The following KCNQ5 variants were observed in gnomAD, a reference collection of about 807,000 sequenced individuals.
The protein encoded by KCNQ5 is potassium voltage-gated channel subfamily KQT member 5.
Under a neutral mutation model 98.2 loss-of-function variants are expected in KCNQ5, and 30 were observed. The ratio of observed to expected loss-of-function variants is 0.31; its 90% CI spans 0.23 to 0.41. The LOEUF is 0.41. Among genes scored for constraint, KCNQ5 ranks in the 10% least tolerant of loss-of-function variants. The pLI is 1.00. For missense variants in KCNQ5, 835 were observed against 1,182.5 expected (o/e 0.71, Z 4.31); for synonymous variants, 458 against 449.4 (o/e 1.02, Z -0.24).
At chr6:72,928,670 G>T (rs1765548104) in intron 1 of KCNQ5, among the ~76,000 whole-genome samples, 1 of 151,892 alleles carries the variant, frequency 6.6e-6, no homozygotes, top group African/African-American at 2.4e-5. Flanking sequence ...TAGCTACATA[G>T]ATAGATAGAA....
At chr6:72,998,826 T>G (rs968883542) in intron 1 of KCNQ5, among the ~76,000 whole-genome samples, 1 of 150,196 alleles carries the variant, frequency 6.7e-6, no homozygotes, top group Non-Finnish European at 1.5e-5. Context: ...CATGGAACAC[T>G]TACAGTCTGC....
At chr6:72,803,770 C>A (rs1306251391) in intron 1 of KCNQ5, among the ~76,000 whole-genome samples, 1 of 152,102 alleles carries the variant, frequency 6.6e-6, no homozygotes, top group Non-Finnish European at 1.5e-5. Context: ...TCTTCCTCAT[C>A]TTTTTAATTT....
chr6:72,670,723 G>A (rs766303740), intron 1 of KCNQ5, among the ~76,000 whole-genome samples: 1 of 152,194 alleles, frequency 6.6e-6, no homozygotes, highest in Non-Finnish European at 1.5e-5. Context: ...TGCTCCTGTG[G>A]TGGAGAGAGA....
At chr6:72,641,929 A>G (rs777498404) in intron 1 of KCNQ5, among the ~76,000 whole-genome samples, 1 of 151,766 alleles carries the variant, frequency 6.6e-6, no homozygotes, top group Admixed American at 6.6e-5. Context: ...TTTATGAACA[A>G]TTCTCTACGC....
chr6:73,118,159 G>A (rs1451390260), intron 7 of KCNQ5, among the ~76,000 whole-genome samples: 1 of 152,178 alleles, frequency 6.6e-6, no homozygotes, highest in Admixed American at 6.5e-5. Flanking sequence ...GATAAACAGA[G>A]CAGGACCTCC....
At chr6:73,108,627 C>T (rs1010438961) in intron 6 of KCNQ5, among the ~76,000 whole-genome samples, 6 of 152,082 alleles carry the variant, frequency 3.9e-5, no homozygotes, top group Non-Finnish European at 5.9e-5. Context: ...GAGATCGAGA[C>T]CATCCTGCCT....
chr6:72,968,159 GTC>G (rs1163143470), intron 1 of KCNQ5, among the ~76,000 whole-genome samples: 1 of 152,080 alleles, frequency 6.6e-6, no homozygotes, highest in Non-Finnish European at 1.5e-5. Context: ...CACTCACAGT[GTC>G]TCAGAAGTTC....
intron 1 of KCNQ5, among the ~76,000 whole-genome samples, chr6:72,839,351 C>G (rs1298395938): frequency 6.6e-6 from 1 of 152,132 alleles, no homozygotes; most frequent in Non-Finnish European, 1.5e-5. Flanking sequence ...ATTCTAATAG[C>G]TGCTTTAAAA....
At chr6:73,086,459 G>A (rs569549991) in intron 5 of KCNQ5, among the ~76,000 whole-genome samples, 60 of 152,088 alleles carry the variant, frequency 3.9e-4, no homozygotes, top group African/African-American at 1.3e-3. Context: ...TCAGGAAGCC[G>A]CCACCCCTTC....
At chr6:72,988,143 A>G (rs764815484) in intron 1 of KCNQ5, among the ~76,000 whole-genome samples, 1 of 152,236 alleles carries the variant, frequency 6.6e-6, no homozygotes, top group African/African-American at 2.4e-5. Context: ...CAATGTGTAC[A>G]GATGACCTTT....
intron 1 of KCNQ5, among the ~76,000 whole-genome samples, chr6:72,810,426 TG>T (rs1775186554): frequency 6.6e-6 from 1 of 152,226 alleles, no homozygotes; most frequent in African/African-American, 2.4e-5. Flanking sequence ...GGTATGTTGC[TG>T]GGACTAGCTT....
chr6:73,024,176 C>G (rs1770749389), intron 2 of KCNQ5, among the ~76,000 whole-genome samples: 1 of 152,098 alleles, frequency 6.6e-6, no homozygotes, highest in Non-Finnish European at 1.5e-5. Context: ...ACCCTTAAGC[C>G]TCTGGCATAA....
intron 1 of KCNQ5, among the ~76,000 whole-genome samples, chr6:72,755,391 C>T (rs1056776676): frequency 1.3e-5 from 2 of 151,968 alleles, no homozygotes; most frequent in Non-Finnish European, 1.5e-5. Flanking sequence ...TAGTTGTTTA[C>T]TATTGATGTA....
intron 1 of KCNQ5, among the ~76,000 whole-genome samples, chr6:72,938,462 C>T (rs1766052476): frequency 6.6e-6 from 1 of 152,160 alleles, no homozygotes; most frequent in Admixed American, 6.5e-5. Context: ...CCACTGCAAC[C>T]TCCAACTCCT....
rs112632519 is a variant in KCNQ5, at chr6:73,069,052, A to T, written c.617-8270A>T. ...TTTTTTTAAACTTTGTCAGTTTGAT[A>T]GAATAAAATGGTACCTTTCTAGTAT... On this transcript the variant is annotated intron_variant, in intron 3 of 13. Transcript: ENST00000370398. Among the ~76,000 whole-genome samples the T allele has an allele frequency of 3.5e-3, 537 of 152,314 alleles. 5 individuals are homozygous for T. Among genetic ancestry groups the T allele is most frequent in the Non-Finnish European group, 5.2e-3 (354 of 68,024 alleles).
At position 73,195,027 on chromosome 6, in the gene KCNQ5, G is replaced by A. The variant is rs1156363948; in HGVS notation, c.2412G>A (p.Met804Ile). ...CAAATCTCACCAAGGACCGTTCTAT[G>A]AGGAAAAGCTTTGACATGGGAGGAG... ...AQSNLTKDRS[M>I]RKSFDMGGET... is the part of the protein sequence containing the mutation. Residue 804 changes from methionine (M) to isoleucine (I), a missense_variant, in exon 14 of 14, where the codon ATG (methionine) becomes ATA (isoleucine). By Grantham distance (10) the Met-to-Ile change is conservative (BLOSUM62 1). Around this residue, in one of 10 missense-constraint regions of KCNQ5, gnomAD observed 416 missense variants for 446.9 expected, o/e 0.93. Transcript: ENST00000370398. 1.9e-6 allele frequency: 3 copies of A among 1,614,094 alleles called. No individual in the cohort carries two copies. The African/African-American group carries it at 4.0e-5, about 22-fold the overall frequency.
chr6:73,174,854 T>A (rs528133622), intron 11 of KCNQ5, among the ~76,000 whole-genome samples: 2 of 152,226 alleles, frequency 1.3e-5, no homozygotes, highest in Non-Finnish European at 2.9e-5. Context: ...GTCAGCACTA[T>A]GTAAATGCTA....
chr6:72,916,666 G>A (rs1199769747), intron 1 of KCNQ5, among the ~76,000 whole-genome samples: 1 of 152,168 alleles, frequency 6.6e-6, no homozygotes, highest in Non-Finnish European at 1.5e-5. Flanking sequence ...CACGGGGGTA[G>A]AATTGAATTC....
chr6:73,017,787 G>A (rs540702764), intron 2 of KCNQ5, among the ~76,000 whole-genome samples: 2 of 152,246 alleles, frequency 1.3e-5, no homozygotes, highest in African/African-American at 4.8e-5. Context: ...ATTCAGTGCC[G>A]CAAGGTCTCA....
Sources: allele counts gnomAD v4.1 joint callset (sites outside exome capture counted in the v4.1 genomes callset), GRCh38; gene constraint gnomAD v4.1.1; regional missense constraint gnomAD v4.1.1; transcripts MANE v1.5; gene names NCBI Gene and HGNC (gene_info 2026-07-23, HGNC 2026-07-21).